SP3: variants seen among roughly 807,000 people sequenced by gnomAD.
SP3 encodes Sp3 transcription factor.
A neutral mutation model predicts 70.3 loss-of-function variants in SP3; 10 were observed. The observed-to-expected ratio is 0.14, with a 90% CI of 0.09 to 0.24. The LOEUF is 0.24. Ranked by LOEUF, SP3 falls within the 10% of genes least tolerant of loss-of-function variation. The pLI, the probability that SP3 is intolerant of heterozygous loss-of-function variation, is 1.00. For missense variants in SP3, 825 were observed against 914.6 expected, an observed-to-expected ratio of 0.90 and a Z score of 1.26; for synonymous variants, 402 against 333.5, an observed-to-expected ratio of 1.21 and a Z score of -2.24.
At chr2:173,959,291 G>A (rs1261859833) in intron 3 of SP3, among the ~76,000 whole-genome samples, 1 of 146,342 alleles carries the variant, frequency 6.8e-6, no homozygotes, top group Non-Finnish European at 1.5e-5. Context: ...CACTAAAAGA[G>A]ATAAAGTACA....
intron 4 of SP3, among the ~76,000 whole-genome samples, chr2:173,933,399 T>C (rs1371283893): frequency 6.6e-6 from 1 of 151,954 alleles, no homozygotes; most frequent in Non-Finnish European, 1.5e-5. Context: ...CAAAATTAAG[T>C]TGCAGTAACA....
intron 4 of SP3, among the ~76,000 whole-genome samples, chr2:173,930,711 A>C (rs1574407843): frequency 6.6e-6 from 1 of 152,198 alleles, no homozygotes. Flanking sequence ...ATCTAACATC[A>C]GTTTCCTTGC....
intron 3 of SP3, 45 bp from the exon 4 acceptor site, chr2:173,956,277 A>C (rs778640742): frequency 6.6e-7 from 1 of 1,517,384 alleles, no homozygotes; most frequent in Non-Finnish European, 8.8e-7. Flanking sequence ...GGTATATTTA[A>C]ATCAACCCTC....
intron 5 of SP3, chr2:173,916,927 A>C (rs1191805261): frequency 1.3e-5 from 2 of 152,112 alleles, no homozygotes; most frequent in Non-Finnish European, 2.9e-5. Flanking sequence ...GACTATATAG[A>C]CTTGAAAATA....
At chr2:173,918,925 G>T in intron 4 of SP3, 140 bp from the exon 5 acceptor site, 1 of 672,650 alleles carries the variant, frequency 1.5e-6, no homozygotes, top group Non-Finnish European at 2.4e-6. Flanking sequence ...CAGTTATTTT[G>T]TTCCTCATCT....
chr2:173,930,688 T>C (rs1419348121), intron 4 of SP3, among the ~76,000 whole-genome samples: 1 of 152,226 alleles, frequency 6.6e-6, no homozygotes, highest in Non-Finnish European at 1.5e-5. Context: ...CTCTGCATCG[T>C]CATGTTTCTA....
At chr2:173,915,378 T>C (rs1689595613) in intron 5 of SP3, 1 of 152,118 alleles carries the variant, frequency 6.6e-6, no homozygotes, top group Admixed American at 6.5e-5. Flanking sequence ...TACCAAGGCT[T>C]GAAGGGAGAG....
chr2:173,965,420 C>CG (rs1357826613), upstream of SP3: 1 of 540,052 alleles, frequency 1.9e-6, no homozygotes, highest in African/African-American at 2.0e-5. Context: ...CATTCGCCGC[C>CG]GTGCTCTTTG....
rs116991292 is a variant in SP3, at chr2:173,940,820, T to C, written c.1639+14053A>G. Among the ~76,000 whole-genome samples, 3 of 152,314 alleles carry C rather than the reference T, an allele frequency of 2.0e-5. No homozygotes were observed. The East Asian group carries it at 5.8e-4, about 29-fold the overall frequency. Reference sequence around the variant, plus strand: ...GCCCTCTCACCCATCTTAGCTTGTTTCTTATCACAAAAGGAAATAAGGAAT... The same window carrying C: ...GCCCTCTCACCCATCTTAGCTTGTTCCTTATCACAAAAGGAAATAAGGAAT... On this transcript the variant is annotated intron_variant, in intron 4 of 6. Transcript: ENST00000310015.
rs990317251 is a variant in SP3 at position 173,907,665 on chromosome 2, G to A, written c.*2276C>T. Reference sequence around the variant, plus strand: ...AAAACATCTCTACTATCATTCAAATGGTTTAATCTGACTTAATGGGCAGTT... The same window carrying A: ...AAAACATCTCTACTATCATTCAAATAGTTTAATCTGACTTAATGGGCAGTT... On this transcript the variant is annotated 3_prime_UTR_variant, in exon 7 of 7. Transcript: ENST00000310015. 6.6e-6 allele frequency: 1 copy of A among 152,052 alleles called. No homozygotes were observed. The highest frequency in any genetic ancestry group is 2.4e-5 in the African/African-American group (1 of 41,430). The allele number at this position is 152,052 out of a possible 1,614,324, so 9.4% of individuals were successfully genotyped here.
At chr2:173,934,673 A>G (rs6721208) in intron 4 of SP3, among the ~76,000 whole-genome samples, 3,223 of 152,200 alleles carry the variant, frequency 0.021, 127 homozygotes, top group African/African-American at 0.074. Context: ...GACCAGCCTG[A>G]GCAACACAGC....
At chr2:173,917,792 A>G (rs1056765375) in intron 5 of SP3, among the ~76,000 whole-genome samples, 2 of 152,106 alleles carry the variant, frequency 1.3e-5, no homozygotes, top group East Asian at 1.9e-4. Context: ...TGGAAATTTA[A>G]TATTATTAAC....
chr2:173,958,270 G>GTTT (rs5836443), intron 3 of SP3, among the ~76,000 whole-genome samples: 3 of 137,892 alleles, frequency 2.2e-5, no homozygotes, highest in African/African-American at 5.3e-5. Context: ...CACCTAAAGT[G>GTTT]TTTTTTTTTT....
At chr2:173,947,448 AAAAG>A (rs1336115681) in intron 4 of SP3, among the ~76,000 whole-genome samples, 6 of 152,174 alleles carry the variant, frequency 3.9e-5, no homozygotes, top group East Asian at 1.9e-4. Flanking sequence ...AGTTTAAAAA[AAAAG>A]AGAGAGAAAC....
At chr2:173,963,577 A>T (rs1171242748) in intron 3 of SP3, among the ~76,000 whole-genome samples, 184 bp downstream of exon 3, 5 of 152,174 alleles carry the variant, frequency 3.3e-5, no homozygotes, top group Non-Finnish European at 7.4e-5. Flanking sequence ...ATTTCGAGAA[A>T]GCCTGGGCTG....
At chr2:173,954,195 T>A (rs571915826) in intron 4 of SP3, among the ~76,000 whole-genome samples, 9 of 152,306 alleles carry the variant, frequency 5.9e-5, no homozygotes, top group Middle Eastern at 3.4e-3. Flanking sequence ...AATGACACTA[T>A]CTCTTTTTAA....
At position 173,955,087 on chromosome 2, in the gene SP3, C is replaced by T. The variant is rs755292831; in HGVS notation, c.1425G>A (p.Gln475=). ...TFQVQGVQNL[Q]NLQIQNTAAQ... is the part of the protein sequence containing the mutation. ...CAGCAGTATTCTGTATTTGCAAATT[C>T]TGCAAGTTCTGGACCCCTTGTACTT... Residue 475 remains glutamine, a synonymous_variant, in exon 4 of 7, where the codon CAG becomes CAA. Coordinates refer to ENST00000310015, the MANE Select transcript of SP3 (RefSeq NM_003111.5). 1.2e-6 allele frequency: 2 copies of T among 1,614,206 alleles called. No homozygotes were observed. The highest frequency in any genetic ancestry group is 2.2e-5 in the South Asian group (2 of 91,084).
chr2:173,956,421 G>A (rs1258780706), intron 3 of SP3, among the ~76,000 whole-genome samples, 189 bp from the exon 4 acceptor site: 1 of 152,086 alleles, frequency 6.6e-6, no homozygotes, highest in Non-Finnish European at 1.5e-5. Context: ...TTACTGCAAA[G>A]ACAATTCATC....
At chr2:173,930,785 A>T (rs1352246766) in intron 4 of SP3, among the ~76,000 whole-genome samples, 1 of 152,220 alleles carries the variant, frequency 6.6e-6, no homozygotes, top group Non-Finnish European at 1.5e-5. Flanking sequence ...TTCCTTGTAT[A>T]AATTTTGACT....
Sources: gnomAD v4.1 joint callset for allele counts (sites outside exome capture counted in the v4.1 genomes callset) on GRCh38, gnomAD v4.1.1 for gene constraint, MANE v1.5 for transcripts, NCBI Gene and HGNC (gene_info 2026-07-23, HGNC 2026-07-21) for gene names.